MGAT4C: variants seen among roughly 807,000 people sequenced by gnomAD.
MGAT4C encodes alpha-1,3-mannosyl-glycoprotein 4-beta-N-acetylglucosaminyltransferase C.
Under a neutral mutation model 40.1 loss-of-function variants are expected in MGAT4C, and 19 were observed. The observed-to-expected ratio is 0.47, with a 90% CI of 0.33 to 0.70. MGAT4C has a LOEUF of 0.70. Ranked by LOEUF, MGAT4C falls within the 30% of genes least tolerant of loss-of-function variation. The probability of loss-of-function intolerance (pLI) is 0.02; values close to 1 mark genes in which losing one functional copy is unlikely to be tolerated. For missense variants in MGAT4C, 491 were observed against 563.2 expected (o/e 0.87, Z 1.30); for synonymous variants, 181 against 187.1 (o/e 0.97, Z 0.27).
chr12:86,822,714 C>A (rs780024270), intron 1 of MGAT4C, among the ~76,000 whole-genome samples: 1 of 150,956 alleles, frequency 6.6e-6, no homozygotes, highest in Non-Finnish European at 1.5e-5. Flanking sequence ...CAGAGTCATG[C>A]AATAAGAGTG....
At chr12:86,704,572 G>A (rs529142734) in intron 2 of MGAT4C, among the ~76,000 whole-genome samples, 6 of 152,182 alleles carry the variant, frequency 3.9e-5, no homozygotes, top group Non-Finnish European at 8.8e-5. Context: ...GAGGGAGAAA[G>A]AAGGACAAAA....
chr12:86,498,160 T>C (rs1382628267), intron 2 of MGAT4C, among the ~76,000 whole-genome samples: 1 of 151,292 alleles, frequency 6.6e-6, no homozygotes, highest in Non-Finnish European at 1.5e-5. Context: ...TTGGGGCATT[T>C]GTTTTTCCCT....
intron 2 of MGAT4C, among the ~76,000 whole-genome samples, chr12:86,025,381 G>A (rs1428415282): frequency 6.6e-6 from 1 of 151,500 alleles, no homozygotes; most frequent in Non-Finnish European, 1.5e-5. Flanking sequence ...GCATTATGTA[G>A]ATAATAAACT....
At chr12:86,011,572 A>T (rs1888463628) in intron 2 of MGAT4C, among the ~76,000 whole-genome samples, 1 of 152,194 alleles carries the variant, frequency 6.6e-6, no homozygotes, top group Non-Finnish European at 1.5e-5. Context: ...TTGTTGGCTT[A>T]TAATAGTATA....
At chr12:86,199,575 T>A (rs914735699) in intron 1 of MGAT4C, among the ~76,000 whole-genome samples, 1 of 152,122 alleles carries the variant, frequency 6.6e-6, no homozygotes, top group African/African-American at 2.4e-5. Flanking sequence ...TTGTAGATAT[T>A]GGAGATATAG....
chr12:86,633,402 C>T (rs972363824), intron 2 of MGAT4C, among the ~76,000 whole-genome samples: 12 of 151,978 alleles, frequency 7.9e-5, no homozygotes, highest in Non-Finnish European at 1.5e-4. Flanking sequence ...TTTAGACTTA[C>T]AGTAATGCTT....
chr12:86,395,321 T>C (rs1956240580), intron 3 of MGAT4C, among the ~76,000 whole-genome samples: 1 of 152,148 alleles, frequency 6.6e-6, no homozygotes, highest in African/African-American at 2.4e-5. Context: ...AATATTTTTA[T>C]TACTATAATA....
chr12:86,462,835 T>C (rs533170976), intron 2 of MGAT4C, among the ~76,000 whole-genome samples: 5 of 152,272 alleles, frequency 3.3e-5, no homozygotes, highest in Non-Finnish European at 5.9e-5. Flanking sequence ...GCCTGCTTTA[T>C]TCCAGCTGCG....
intron 4 of MGAT4C, among the ~76,000 whole-genome samples, chr12:86,321,215 C>A (rs1449134821): frequency 6.6e-6 from 1 of 151,886 alleles, no homozygotes; most frequent in Non-Finnish European, 1.5e-5. Context: ...AAAAATTTGA[C>A]AATTAAGAGA....
At chr12:86,631,242 A>G (rs1010236859) in intron 2 of MGAT4C, among the ~76,000 whole-genome samples, 4 of 152,174 alleles carry the variant, frequency 2.6e-5, no homozygotes, top group Non-Finnish European at 5.9e-5. Context: ...CCACTGCTCA[A>G]TGAAATAAAG....
chr12:86,284,276 T>TTA (rs1187707709), intron 4 of MGAT4C, among the ~76,000 whole-genome samples: 8 of 151,808 alleles, frequency 5.3e-5, no homozygotes, highest in Admixed American at 2.0e-4. Flanking sequence ...AGATGAATGT[T>TTA]TATATATATA....
intron 2 of MGAT4C, among the ~76,000 whole-genome samples, chr12:86,026,715 C>G (rs1890276191): frequency 6.6e-6 from 1 of 151,842 alleles, no homozygotes. Flanking sequence ...TGTAACATTA[C>G]AAGTAGTTCA....
At chr12:86,251,002 A>C (rs150373698) in intron 1 of MGAT4C, among the ~76,000 whole-genome samples, 4 of 152,210 alleles carry the variant, frequency 2.6e-5, no homozygotes, top group African/African-American at 9.6e-5. Flanking sequence ...CAATGAAAAC[A>C]ATGAAAATAC....
At chr12:86,644,842 G>A (rs1251546540) in intron 2 of MGAT4C, among the ~76,000 whole-genome samples, 2 of 151,610 alleles carry the variant, frequency 1.3e-5, no homozygotes, top group Non-Finnish European at 3.0e-5. Context: ...AAAAAGTCAC[G>A]ATTTTGATGA....
chr12:86,050,236 T>G (rs1342614703), intron 1 of MGAT4C, among the ~76,000 whole-genome samples: 3 of 152,006 alleles, frequency 2.0e-5, no homozygotes, highest in East Asian at 3.9e-4. Context: ...CAAGAGATTG[T>G]TCCTGTTACA....
chr12:86,605,910 C>T (rs937722990), intron 2 of MGAT4C, among the ~76,000 whole-genome samples: 3 of 152,084 alleles, frequency 2.0e-5, no homozygotes, highest in Admixed American at 6.6e-5. Context: ...TAAAGAACTG[C>T]CTGACACTGG....
chr12:86,835,167 T>C (rs1953011579), intron 1 of MGAT4C, among the ~76,000 whole-genome samples: 1 of 151,990 alleles, frequency 6.6e-6, no homozygotes, highest in South Asian at 2.1e-4. Context: ...AAGGAGTTTT[T>C]CTGTATATTT....
chr12:86,552,881 C>T (rs1296281712), intron 2 of MGAT4C, among the ~76,000 whole-genome samples: 1 of 151,852 alleles, frequency 6.6e-6, no homozygotes, highest in Non-Finnish European at 1.5e-5. Context: ...GTGGTTTTAC[C>T]ATTACTTTTA....
chr12:86,570,395 A>T (rs1345742358), intron 2 of MGAT4C, among the ~76,000 whole-genome samples: 1 of 152,100 alleles, frequency 6.6e-6, no homozygotes, highest in African/African-American at 2.4e-5. Context: ...TTTAGATTCA[A>T]TTTTTTTGTC....
Sources: gnomAD v4.1 joint callset for allele counts (sites outside exome capture counted in the v4.1 genomes callset) on GRCh38, gnomAD v4.1.1 for gene constraint, MANE v1.5 for transcripts, NCBI Gene and HGNC (gene_info 2026-07-23, HGNC 2026-07-21) for gene names.